ZNF623: variants seen among roughly 807,000 people sequenced by gnomAD.
ZNF623 encodes zinc finger protein 623.
In ZNF623, 16 loss-of-function variants were observed where a neutral mutation model predicts 24.0. That is an observed-to-expected ratio of 0.67 (90% CI 0.45 to 1.01). ZNF623 has a LOEUF of 1.01. ZNF623 is among the 50% of genes least tolerant of loss of function. The pLI, the probability that ZNF623 is intolerant of heterozygous loss-of-function variation, is 0.00. For synonymous variants in ZNF623, 224 were observed against 219.8 expected, an observed-to-expected ratio of 1.02 and a Z score of -0.17; for missense variants, 566 against 606.5, an observed-to-expected ratio of 0.93 and a Z score of 0.70.
intron 1 of ZNF623, among the ~76,000 whole-genome samples, chr8:143,638,403 A>G (rs901683576): frequency 6.6e-6 from 1 of 151,410 alleles, no homozygotes; most frequent in Non-Finnish European, 1.5e-5. Flanking sequence ...AGAGGCACAC[A>G]TATGGTTTTA....
rs892281210 is a variant in ZNF623, at chr8:143,652,540, A to T, written c.*1057A>T. On this transcript the variant is annotated 3_prime_UTR_variant, in exon 2 of 2. Transcript: ENST00000526926. ...AGCCCTGCTACTGTCTGCTGCTCCT[A>T]CTTAGAAGTTGCAGGCAATATCCTG... is the stretch of plus-strand genomic sequence containing the variant. The T allele has an allele frequency of 6.0e-6, 1 of 167,002 alleles. No individual in the cohort carries two copies. The highest frequency in any genetic ancestry group is 1.5e-5 in the Non-Finnish European group (1 of 68,106). 10.3% of individuals were successfully genotyped at this position (167,002 alleles called of 1,614,324 possible).
chr8:143,640,175 G>A (rs1054983787), intron 1 of ZNF623, among the ~76,000 whole-genome samples: 3 of 152,200 alleles, frequency 2.0e-5, no homozygotes, highest in African/African-American at 4.8e-5. Context: ...TAAAAGTTAC[G>A]TTTAGGTATG....
At position 143,650,538 on chromosome 8, in the gene ZNF623, G is replaced by A. The variant is rs746356097; in HGVS notation, c.546G>A (p.Leu182=). Residue 182 remains leucine, a synonymous_variant, in exon 2 of 2, where the codon CTG becomes CTA. Transcript: ENST00000526926. This position sits in a 1 kb window ranked among gnomAD's most constrained non-coding sequence, Gnocchi z 5.2. ...AGGCGTTTTGTCACAGTTCAGACCTGATTAGGCACCAGAGAGTTCACACCA... is the reference window on the plus strand; with the variant it reads ...AGGCGTTTTGTCACAGTTCAGACCTAATTAGGCACCAGAGAGTTCACACCA... The part of the protein sequence containing the change: ...CGKAFCHSSD[L]IRHQRVHTRE... 1 of 1,614,134 alleles carries A rather than the reference G, an allele frequency of 6.2e-7. No individual in the cohort carries two copies. Among genetic ancestry groups the A allele is most frequent in the East Asian group, 2.2e-5 (1 of 44,874 alleles).
intron 1 of ZNF623, 92 bp from the exon 2 acceptor site, chr8:143,649,806 A>G: frequency 1.3e-6 from 2 of 1,496,300 alleles, no homozygotes; most frequent in Non-Finnish European, 1.8e-6. Flanking sequence ...AACACTTTCC[A>G]CCTCTTGGAT....
At chr8:143,646,546 CGTGTGT>C (rs60526625) in intron 1 of ZNF623, among the ~76,000 whole-genome samples, 39 of 149,456 alleles carry the variant, frequency 2.6e-4, no homozygotes, top group African/African-American at 9.1e-4. Context: ...GGGGTGTGTG[CGTGTGT>C]GTGTGTGTGT....
At chr8:143,645,330 T>TAATCAGGAG (rs1815153122) in intron 1 of ZNF623, among the ~76,000 whole-genome samples, 5 of 149,796 alleles carry the variant, frequency 3.3e-5, no homozygotes, top group Admixed American at 3.3e-4. Context: ...TAGTCCCAGT[T>TAATCAGGAG]GCTCGGCAGG....
In ZNF623 at chr8:143,651,281, A is replaced by G. The variant is rs1441587528; in HGVS notation, c.1289A>G (p.Gln430Arg). Residue 430 changes from glutamine to arginine, a missense_variant, in exon 2 of 2, where the codon CAG becomes CGG. By Grantham distance (43) the Gln-to-Arg change is conservative (BLOSUM62 1). Transcript: ENST00000526926. The part of the protein sequence containing the change: ...VCSYCGKGFI[Q>R]RSNFLQHQKI... ...AGTTATTGTGGGAAAGGCTTTATTC[A>G]GAGGTCAAACTTCCTTCAACACCAG... 1.2e-6 allele frequency: 2 copies of G among 1,614,230 alleles called. No homozygotes were observed. The highest frequency in any genetic ancestry group is 1.7e-6 in the Non-Finnish European group (2 of 1,180,048).
At position 143,653,154 on chromosome 8, in the gene ZNF623, C is replaced by A; in HGVS notation, c.*1671C>A. The A allele has an allele frequency of 6.0e-6, 1 of 167,172 alleles. No homozygotes were observed. The allele number at this position is 167,172 out of a possible 1,614,324, so 10.4% of individuals were successfully genotyped here. ...AGATGGCTTTTTGGCTAGGACTGTTCGAAAGCAGGCGAGGTAAATGGACAG... is the reference window on the plus strand; with the variant it reads ...AGATGGCTTTTTGGCTAGGACTGTTAGAAAGCAGGCGAGGTAAATGGACAG... On this transcript the variant is annotated 3_prime_UTR_variant, in exon 2 of 2. Transcript: ENST00000526926.
chr8:143,646,139 T>A (rs1416304332), intron 1 of ZNF623, among the ~76,000 whole-genome samples: 1 of 152,138 alleles, frequency 6.6e-6, no homozygotes, highest in Non-Finnish European at 1.5e-5. Flanking sequence ...ACCTCTGGGC[T>A]CAAGTGATCC....
At chr8:143,641,446 T>TG (rs1446141502) in intron 1 of ZNF623, among the ~76,000 whole-genome samples, 1 of 5,488 alleles carries the variant, frequency 1.8e-4, no homozygotes, top group South Asian at 0.042. Context: ...AGTAGTGTTT[T>TG]TTTTTTTTTT....
Position 143,650,113 on chromosome 8 carries a change from G to T in ZNF623, c.121G>T (p.Val41Leu). The T allele has an allele frequency of 6.2e-7, 1 of 1,614,138 alleles. No homozygotes were observed. The highest frequency in any genetic ancestry group is 1.3e-5 in the African/African-American group (1 of 75,040). ...CTCTCAGGACAGGGGCTGCAAGCAG[G>T]TGACAGTGACCCATTGGAAGATCCA... ...SPSQDRGCKQVTVTHWKIQTG... is the reference protein window; with the variant it reads ...SPSQDRGCKQLTVTHWKIQTG... Residue 41 changes from valine (V) to leucine (L), a missense_variant, in exon 2 of 2, where the codon GTG becomes TTG. By Grantham distance (32) the Val-to-Leu change is conservative (BLOSUM62 1). Coordinates refer to ENST00000526926, the MANE Select transcript of ZNF623 (RefSeq NM_001261843.2). The surrounding 1 kb of genome is among the most constrained non-coding windows in gnomAD (Gnocchi z 5.2).
rs1815365813 is a variant in ZNF623 at position 143,652,739 on chromosome 8, G to A, written c.*1256G>A. ...CTTTCTGTCTCACTCGAAAGGCACA[G>A]TCTCAATGCGCTACGTAACTCTTCT... On this transcript the variant is annotated 3_prime_UTR_variant, in exon 2 of 2. Coordinates refer to ENST00000526926, the MANE Select transcript of ZNF623 (RefSeq NM_001261843.2). 1.2e-5 allele frequency: 2 copies of A among 167,132 alleles called. No homozygotes were observed. Among genetic ancestry groups the A allele is most frequent in the South Asian group, 2.1e-4 (1 of 4,832 alleles). 10.4% of individuals were successfully genotyped at this position (167,132 alleles called of 1,614,324 possible).
At position 143,650,499 on chromosome 8, in the gene ZNF623, T is replaced by G; in HGVS notation, c.507T>G (p.Cys169Trp). 6.2e-7 allele frequency: 1 copy of G among 1,614,132 alleles called. No homozygotes were observed. Among genetic ancestry groups the G allele is most frequent in the East Asian group, 2.2e-5 (1 of 44,880 alleles). ...RVHSGEKPFKCAQCGKAFCHS... is the reference protein window; with the variant it reads ...RVHSGEKPFKWAQCGKAFCHS... ...ATTCAGGAGAAAAGCCCTTCAAATG[T>G]GCGCAGTGTGGGAAGGCGTTTTGTC... Residue 169 changes from cysteine to tryptophan, a missense_variant, in exon 2 of 2, where the codon TGT becomes TGG. Around this residue, in one of 3 missense-constraint regions of ZNF623, gnomAD observed 313 missense variants for 300.4 expected, o/e 1.04. Transcript: ENST00000526926. This position sits in a 1 kb window ranked among gnomAD's most constrained non-coding sequence, Gnocchi z 5.2.
intron 1 of ZNF623, among the ~76,000 whole-genome samples, chr8:143,643,893 A>T (rs1046345468): frequency 2.0e-5 from 3 of 152,192 alleles, no homozygotes; most frequent in African/African-American, 7.2e-5. Flanking sequence ...GTTGCTAAGA[A>T]CACTCTAGCT....
rs138052020 is a variant in ZNF623 at position 143,651,153 on chromosome 8, G to A, written c.1161G>A (p.Gly387=). 3.1e-6 allele frequency: 5 copies of A among 1,613,836 alleles called. No homozygotes were observed. The highest frequency in any genetic ancestry group is 2.2e-5 in the East Asian group (1 of 44,872). ...HLTEHQKIHS[G]DRPFECKDCG... is the part of the protein sequence containing the mutation. ...CTGAGCACCAGAAGATCCACTCTGG[G>A]GACAGGCCCTTCGAATGTAAAGACT... Residue 387 remains glycine (G), a synonymous_variant, in exon 2 of 2, where the codon GGG becomes GGA. Transcript: ENST00000526926.
chr8:143,636,273 C>G (rs545140737), intron 1 of ZNF623, 128 bp downstream of exon 1: 2 of 152,138 alleles, frequency 1.3e-5, no homozygotes, highest in African/African-American at 4.8e-5. Flanking sequence ...GGCCGCTGCC[C>G]GCCCCGCTAG....
rs1279321936 is a variant in ZNF623, at chr8:143,651,160, C to G, written c.1168C>G (p.Pro390Ala). The G allele has an allele frequency of 3.1e-6, 5 of 1,614,146 alleles. No individual in the cohort carries two copies. The highest frequency in any genetic ancestry group is 3.4e-6 in the Non-Finnish European group (4 of 1,180,022). Residue 390 changes from proline (P) to alanine (A), a missense_variant, in exon 2 of 2, where the codon CCC (proline) becomes GCC (alanine). Pro to Ala is a conservative substitution (Grantham distance 27). Transcript: ENST00000526926. ...CCAGAAGATCCACTCTGGGGACAGG[C>G]CCTTCGAATGTAAAGACTGTGGGAA... ...EHQKIHSGDR[P>A]FECKDCGKAF...
chr8:143,639,143 C>T (rs998273361), intron 1 of ZNF623, among the ~76,000 whole-genome samples: 23 of 151,284 alleles, frequency 1.5e-4, no homozygotes, highest in African/African-American at 4.1e-4. Flanking sequence ...CTGCCTGCCT[C>T]GGCCTCCCAA....
chr8:143,641,151 C>T (rs76559593), intron 1 of ZNF623, among the ~76,000 whole-genome samples: 167 of 152,166 alleles, frequency 1.1e-3, no homozygotes, highest in African/African-American at 3.9e-3. Flanking sequence ...TCCAAAATAC[C>T]AAATGTTGAT....
Sources: allele counts gnomAD v4.1 joint callset (sites outside exome capture counted in the v4.1 genomes callset), GRCh38; gene constraint gnomAD v4.1.1; regional missense constraint gnomAD v4.1.1; non-coding constraint Gnocchi (gnomAD v3.1); transcripts MANE v1.5; gene names NCBI Gene and HGNC (gene_info 2026-07-23, HGNC 2026-07-21).